The following PLPPR1 variants were observed in gnomAD, a reference collection of about 807,000 sequenced individuals.
The protein encoded by PLPPR1 is phospholipid phosphatase-related protein type 1.
A neutral mutation model predicts 33.1 loss-of-function variants in PLPPR1; 10 were observed. That is an observed-to-expected ratio of 0.30 (90% confidence interval 0.19 to 0.51). PLPPR1 has a LOEUF of 0.51. Ranked by LOEUF, PLPPR1 falls within the 20% of genes least tolerant of loss-of-function variation. The pLI is 0.97. For missense variants in PLPPR1, 304 were observed against 408.1 expected, an observed-to-expected ratio of 0.74 and a Z score of 2.20; for synonymous variants, 151 against 151.0, an observed-to-expected ratio of 1.00 and a Z score of 0.00.
chr9:101,181,985 T>C (rs1826122804), intron 1 of PLPPR1, among the ~76,000 whole-genome samples: 1 of 150,946 alleles, frequency 6.6e-6, no homozygotes, highest in Admixed American at 6.6e-5. Context: ...TCATTGATAA[T>C]TGACACCTAG....
chr9:101,072,689 A>G (rs1053705603), intron 1 of PLPPR1, among the ~76,000 whole-genome samples: 1 of 152,186 alleles, frequency 6.6e-6, no homozygotes, highest in African/African-American at 2.4e-5. Flanking sequence ...TTTTTCAAAT[A>G]AAATTGCTGC....
intron 1 of PLPPR1, among the ~76,000 whole-genome samples, chr9:101,179,534 A>G (rs902328685): frequency 1.3e-5 from 2 of 152,150 alleles, no homozygotes; most frequent in Non-Finnish European, 2.9e-5. Context: ...TTGACTTCAT[A>G]TCAGCATTTA....
chr9:101,286,344 T>A, intron 4 of PLPPR1, 108 bp downstream of exon 4: 1 of 1,068,960 alleles, frequency 9.4e-7, no homozygotes, highest in Non-Finnish European at 1.3e-6. Context: ...AAGCAAGGGC[T>A]GCTTTGGGGA....
intron 1 of PLPPR1, among the ~76,000 whole-genome samples, chr9:101,098,915 A>G (rs1004667113): frequency 1.8e-4 from 27 of 152,232 alleles, no homozygotes; most frequent in African/African-American, 6.0e-4. Context: ...TCTTTTGTCT[A>G]TAGATGAGCG....
At chr9:101,153,628 G>T (rs942131671) in intron 1 of PLPPR1, among the ~76,000 whole-genome samples, 2 of 152,080 alleles carry the variant, frequency 1.3e-5, no homozygotes, top group African/African-American at 2.4e-5. Context: ...ATGCTGGAGC[G>T]CAGTGGCACA....
chr9:101,254,441 G>A (rs764357266), intron 2 of PLPPR1, among the ~76,000 whole-genome samples: 18 of 152,064 alleles, frequency 1.2e-4, no homozygotes, highest in Middle Eastern at 3.2e-3. Flanking sequence ...TGAGCAATGG[G>A]GAGCAGCTGT....
rs10124178 is a variant in PLPPR1 at position 101,097,608 on chromosome 9, G to C, written c.-46+68506G>C. 9.4e-3 allele frequency among the ~76,000 whole-genome samples: 1,436 copies of C among 152,276 alleles called. 35 individuals are homozygous for C. Among genetic ancestry groups the C allele is most frequent in the African/African-American group, 0.032 (1,330 of 41,564 alleles). On this transcript the variant is annotated intron_variant, in intron 1 of 7. Coordinates refer to ENST00000374874, the MANE Select transcript of PLPPR1 (RefSeq NM_207299.2). ...GTATGTATGTGTTTTACACCTGAAA[G>C]TATTCATTGTCTGTATCATAAGACA...
At chr9:101,323,190 T>C (rs1465497953) in intron 7 of PLPPR1, among the ~76,000 whole-genome samples, 9 of 152,222 alleles carry the variant, frequency 5.9e-5, no homozygotes, top group African/African-American at 2.2e-4. Context: ...CAGAATTATA[T>C]AGAGAATAAG....
chr9:101,209,038 T>G (rs569761191), intron 2 of PLPPR1, among the ~76,000 whole-genome samples: 2 of 152,332 alleles, frequency 1.3e-5, no homozygotes, highest in South Asian at 4.1e-4. Flanking sequence ...AAAAATTGTT[T>G]TTCTGAAAGT....
intron 1 of PLPPR1, among the ~76,000 whole-genome samples, chr9:101,145,867 A>C (rs1831515420): frequency 6.7e-6 from 1 of 148,318 alleles, no homozygotes; most frequent in African/African-American, 2.5e-5. Context: ...AAAAATGAAA[A>C]TAGCCAAATA....
At chr9:101,172,913 T>A (rs1455954034) in intron 1 of PLPPR1, among the ~76,000 whole-genome samples, 1 of 152,146 alleles carries the variant, frequency 6.6e-6, no homozygotes, top group Non-Finnish European at 1.5e-5. Context: ...GTCCAATGTC[T>A]TGAATACCAT....
intron 2 of PLPPR1, among the ~76,000 whole-genome samples, chr9:101,268,767 G>A (rs1039258519): frequency 6.6e-6 from 1 of 152,128 alleles, no homozygotes; most frequent in Admixed American, 6.5e-5. Context: ...ATCTAAAGAT[G>A]TCCTACCAAG....
chr9:101,192,663 T>G (rs10989422), intron 2 of PLPPR1, among the ~76,000 whole-genome samples: 1 of 151,810 alleles, frequency 6.6e-6, no homozygotes, highest in Non-Finnish European at 1.5e-5. Flanking sequence ...AGAAAACCAA[T>G]GAAACACACA....
chr9:101,251,725 C>A (rs16920088), intron 2 of PLPPR1, among the ~76,000 whole-genome samples: 1 of 148,140 alleles, frequency 6.8e-6, no homozygotes, highest in East Asian at 1.9e-4. Flanking sequence ...TTCATCAAGA[C>A]TTTTTGGTTG....
At position 101,070,840 on chromosome 9, in the gene PLPPR1, G is replaced by A. The variant is rs4743437; in HGVS notation, c.-46+41738G>A. 5.1e-3 allele frequency among the ~76,000 whole-genome samples: 782 copies of A among 152,170 alleles called. 21 individuals are homozygous for A. The highest frequency in any genetic ancestry group is 0.029 in the Admixed American group (439 of 15,282). ...AGCGCACAGATTTTGTTTTTGTTCT[G>A]CATTGTATCCTCCAGCACTAACAAC... is the stretch of plus-strand genomic sequence containing the variant. On this transcript the variant is annotated intron_variant, in intron 1 of 7. Transcript: ENST00000374874.
chr9:101,239,454 A>G (rs1402812969), intron 2 of PLPPR1, among the ~76,000 whole-genome samples: 2 of 152,094 alleles, frequency 1.3e-5, no homozygotes, highest in Admixed American at 1.3e-4. Flanking sequence ...CCCAAATCTC[A>G]GAATCATGCA....
At chr9:101,068,247 A>C (rs542813794) in intron 1 of PLPPR1, among the ~76,000 whole-genome samples, 94 of 152,196 alleles carry the variant, frequency 6.2e-4, no homozygotes, top group African/African-American at 2.1e-3. Flanking sequence ...TCTAGGGAAA[A>C]TACTTCTCAA....
rs577185318 is a variant in PLPPR1, at chr9:101,218,582, T to G, written c.63+33025T>G. Among the ~76,000 whole-genome samples the G allele has an allele frequency of 7.9e-5, 12 of 152,346 alleles. No homozygotes were observed. The South Asian group carries it at 2.3e-3, about 29-fold the overall frequency. ...TAAATGAAAAATATATAGGGCATAG[T>G]GCAGTGCTTTGCCCATAGTAAGCTT... On this transcript the variant is annotated intron_variant, in intron 2 of 7. Coordinates refer to ENST00000374874, the MANE Select transcript of PLPPR1 (RefSeq NM_207299.2).
chr9:101,030,942 G>A (rs12551290), intron 1 of PLPPR1, among the ~76,000 whole-genome samples: 24,472 of 150,978 alleles, frequency 0.16, 2,197 homozygotes, highest in East Asian at 0.37. Flanking sequence ...TTTTAAGAAA[G>A]GAAAAAAAGA....
Sources: allele counts gnomAD v4.1 joint callset (sites outside exome capture counted in the v4.1 genomes callset), GRCh38; gene constraint gnomAD v4.1.1; transcripts MANE v1.5; gene names NCBI Gene and HGNC (gene_info 2026-07-23, HGNC 2026-07-21).